PRDM5: variants seen among roughly 807,000 people sequenced by gnomAD.
PRDM5 encodes the protein PR/SET domain 5, also known as PR domain zinc finger protein 5.
A neutral mutation model predicts 81.2 loss-of-function variants in PRDM5; 56 were observed. The observed-to-expected ratio is 0.69, with a 90% CI of 0.56 to 0.86. PRDM5 has a LOEUF of 0.86. Ranked by LOEUF, PRDM5 falls within the 40% of genes least tolerant of loss-of-function variation. PRDM5 has a pLI of 0.00. For missense variants in PRDM5, 697 were observed against 770.1 expected (o/e 0.91, Z 1.12); for synonymous variants, 267 against 256.4 (o/e 1.04, Z -0.39).
At chr4:120,740,187 A>G (rs1040540233) in intron 14 of PRDM5, among the ~76,000 whole-genome samples, 3 of 152,234 alleles carry the variant, frequency 2.0e-5, no homozygotes, top group African/African-American at 7.2e-5. Context: ...AAACAATAAA[A>G]GATTCACTAA....
chr4:120,836,332 A>G (rs953198334), intron 3 of PRDM5, among the ~76,000 whole-genome samples: 2 of 152,224 alleles, frequency 1.3e-5, no homozygotes, highest in Non-Finnish European at 2.9e-5. Context: ...CAAAAAATAG[A>G]AAAATATATC....
At chr4:120,766,377 T>G (rs1663625775) in intron 13 of PRDM5, among the ~76,000 whole-genome samples, 2 of 152,220 alleles carry the variant, frequency 1.3e-5, no homozygotes, top group Admixed American at 1.3e-4. Flanking sequence ...GCCCATAATC[T>G]GACTCCAGAA....
intron 2 of PRDM5, among the ~76,000 whole-genome samples, chr4:120,871,398 C>T (rs1490491319): frequency 6.6e-6 from 1 of 152,134 alleles, no homozygotes; most frequent in Non-Finnish European, 1.5e-5. Flanking sequence ...AGATGTTTAT[C>T]AACTTCCAGG....
chr4:120,733,903 A>C (rs1290008782), intron 14 of PRDM5, among the ~76,000 whole-genome samples: 1 of 151,936 alleles, frequency 6.6e-6, no homozygotes, highest in African/African-American at 2.4e-5. Flanking sequence ...AAAAAAAAAA[A>C]AAAACAAAAA....
intron 14 of PRDM5, among the ~76,000 whole-genome samples, chr4:120,750,115 T>C (rs1466375813): frequency 6.6e-6 from 1 of 152,192 alleles, no homozygotes; most frequent in Non-Finnish European, 1.5e-5. Context: ...TTTAATTGCA[T>C]TTAATTGGAT....
chr4:120,703,564 T>G (rs771589406), intron 15 of PRDM5, among the ~76,000 whole-genome samples: 28 of 152,264 alleles, frequency 1.8e-4, no homozygotes, highest in Non-Finnish European at 1.0e-4. Flanking sequence ...CTTCTACTAT[T>G]TCATCCCAGT....
chr4:120,817,232 CCTG>C (rs145485040), intron 5 of PRDM5, among the ~76,000 whole-genome samples: 156 of 152,162 alleles, frequency 1.0e-3, no homozygotes, highest in African/African-American at 3.5e-3. Context: ...TATGTAGTAT[CCTG>C]CTATTATAAA....
intron 14 of PRDM5, among the ~76,000 whole-genome samples, chr4:120,715,675 AG>A (rs1217623698): frequency 6.6e-6 from 1 of 152,194 alleles, no homozygotes; most frequent in Non-Finnish European, 1.5e-5. Context: ...AAACATACAA[AG>A]ACATTATTAT....
At chr4:120,751,885 G>A (rs1026037499) in intron 14 of PRDM5, among the ~76,000 whole-genome samples, 1 of 152,130 alleles carries the variant, frequency 6.6e-6, no homozygotes, top group Non-Finnish European at 1.5e-5. Context: ...ACTTCCTAAA[G>A]ATGTACCTTA....
At chr4:120,800,319 C>G (rs1295319087) in intron 8 of PRDM5, among the ~76,000 whole-genome samples, 3 of 152,082 alleles carry the variant, frequency 2.0e-5, no homozygotes, top group Non-Finnish European at 4.4e-5. Context: ...AGTTCGAGAT[C>G]AGCCTGGACA....
At chr4:120,773,642 C>A (rs1372281193) in intron 13 of PRDM5, among the ~76,000 whole-genome samples, 1 of 152,168 alleles carries the variant, frequency 6.6e-6, no homozygotes, top group Non-Finnish European at 1.5e-5. Context: ...TTCCACACAA[C>A]AATAAGCCTT....
Position 120,692,224 on chromosome 4 carries a change from A to C in PRDM5, c.*2887T>G, listed in dbSNP as rs1734099105. 1 of 152,082 alleles carries C rather than the reference A, an allele frequency of 6.6e-6. No individual in the cohort carries two copies. The highest frequency in any genetic ancestry group is 1.5e-5 in the Non-Finnish European group (1 of 67,984). The allele number at this position is 152,082 out of a possible 1,614,324, so 9.4% of individuals were successfully genotyped here. On this transcript the variant is annotated 3_prime_UTR_variant, in exon 16 of 16. Transcript: ENST00000264808. ...AGCAGCACATAAAATCTAAAACAGA[A>C]ACTAAGGCTGTAAGACCTTCTGTAA...
intron 13 of PRDM5, 127 bp downstream of exon 13, chr4:120,777,061 G>C: frequency 6.5e-7 from 1 of 1,543,776 alleles, no homozygotes; most frequent in Non-Finnish European, 8.7e-7. Context: ...AATGCTTTAA[G>C]AGAGAGAAAA....
intron 14 of PRDM5, among the ~76,000 whole-genome samples, chr4:120,746,530 C>T (rs1332895064): frequency 1.5e-5 from 2 of 134,536 alleles, no homozygotes; most frequent in Non-Finnish European, 3.3e-5. Flanking sequence ...TCGCAACCTA[C>T]TCATCTGACA....
intron 8 of PRDM5, among the ~76,000 whole-genome samples, chr4:120,808,005 T>C (rs1015063513): frequency 4.6e-5 from 7 of 152,172 alleles, no homozygotes; most frequent in African/African-American, 1.7e-4. Flanking sequence ...ACGGTCTCAC[T>C]GGCCTCAGGA....
intron 10 of PRDM5, among the ~76,000 whole-genome samples, 154 bp from the exon 11 acceptor site, chr4:120,785,245 A>G (rs543626629): frequency 1.3e-5 from 2 of 152,296 alleles, no homozygotes; most frequent in African/African-American, 4.8e-5. Flanking sequence ...TAAAATTGTA[A>G]AGACAAATGT....
chr4:120,887,557 T>C (rs1388796209), intron 2 of PRDM5, among the ~76,000 whole-genome samples: 4 of 152,186 alleles, frequency 2.6e-5, no homozygotes, highest in African/African-American at 4.8e-5. Flanking sequence ...TTATCTAATC[T>C]AGAATTGCCT....
At chr4:120,764,033 G>A (rs1342622726) in intron 13 of PRDM5, among the ~76,000 whole-genome samples, 6 of 151,856 alleles carry the variant, frequency 4.0e-5, no homozygotes. Context: ...TGGAAAAATG[G>A]TAGCAACAGC....
At chr4:120,898,866 C>G (rs2148653866) in intron 2 of PRDM5, among the ~76,000 whole-genome samples, 1 of 152,276 alleles carries the variant, frequency 6.6e-6, no homozygotes, top group Non-Finnish European at 1.5e-5. Context: ...CTAGGGGCAG[C>G]AATCAGACTG....
Sources: allele counts gnomAD v4.1 joint callset (sites outside exome capture counted in the v4.1 genomes callset), GRCh38; gene constraint gnomAD v4.1.1; transcripts MANE v1.5; gene names NCBI Gene and HGNC (gene_info 2026-07-23, HGNC 2026-07-21).